CACNG7: variants seen among roughly 807,000 people sequenced by gnomAD.
CACNG7 encodes the protein calcium voltage-gated channel auxiliary subunit gamma 7, also known as voltage-dependent calcium channel gamma-7 subunit.
A neutral mutation model predicts 26.3 loss-of-function variants in CACNG7; 9 were observed. That is an observed-to-expected ratio of 0.34 (90% CI 0.21 to 0.60). CACNG7 has a LOEUF of 0.60. CACNG7 is among the 20% of genes least tolerant of loss of function. CACNG7 has a pLI of 0.81. For missense variants in CACNG7, 297 were observed against 380.4 expected (o/e 0.78, Z 1.82); for synonymous variants, 170 against 157.0 (o/e 1.08, Z -0.62).
intron 4 of CACNG7, among the ~76,000 whole-genome samples, chr19:53,934,472 C>T (rs1242304279): frequency 6.6e-6 from 1 of 152,112 alleles, no homozygotes; most frequent in African/African-American, 2.4e-5. Context: ...GTAGGTTTTT[C>T]TTTTTACAAT....
At chr19:53,919,666 C>T (rs2068924075) in intron 4 of CACNG7, among the ~76,000 whole-genome samples, 1 of 138,948 alleles carries the variant, frequency 7.2e-6, no homozygotes, top group Non-Finnish European at 1.5e-5. Context: ...GAGTTGTCCC[C>T]AGGCCTGGTA....
rs1568774400 is a variant in CACNG7 at position 53,921,512 on chromosome 19, TATTGGTGGAGTTGCCCCAGGTCTGGTC to T, written c.424+6028_424+6054del. ...ATTGGTGGAGTTGCCCCAGGTCTGGTATTGGTGGAGTTGCCCCAGGTCTGGTCATTGGTGGAGTTGCCCCAGGCTGGT... is the reference window on the plus strand; with the variant it reads ...ATTGGTGGAGTTGCCCCAGGTCTGGTATTGGTGGAGTTGCCCCAGGCTGGT... On this transcript the variant is annotated intron_variant, in intron 4 of 5. Transcript: ENST00000391767. Among the ~76,000 whole-genome samples the T allele has an allele frequency of 6.0e-5, 7 of 116,724 alleles. No individual in the cohort carries two copies. The South Asian group carries it at 9.1e-4, about 15-fold the overall frequency. The allele number at this position is 116,724 out of a possible 152,430, so 76.6% of individuals were successfully genotyped here. A position where few individuals can be genotyped will look rare whatever the true frequency, so the allele number is the denominator to read the frequency against.
chr19:53,923,866 G>C (rs2068992951), intron 4 of CACNG7, among the ~76,000 whole-genome samples: 1 of 137,470 alleles, frequency 7.3e-6, no homozygotes, highest in Admixed American at 7.0e-5. Flanking sequence ...GTCATTGGTG[G>C]AGTTGCCCCA....
At chr19:53,929,154 G>C (rs1029355122) in intron 4 of CACNG7, among the ~76,000 whole-genome samples, 13 of 150,574 alleles carry the variant, frequency 8.6e-5, no homozygotes, top group Non-Finnish European at 1.8e-4. Flanking sequence ...AATAAGGCCT[G>C]AGCTGGGGCA....
chr19:53,913,803 A>AG (rs2068876008), intron 2 of CACNG7, among the ~76,000 whole-genome samples: 1 of 144,986 alleles, frequency 6.9e-6, no homozygotes, highest in African/African-American at 2.8e-5. Context: ...AAAAAAAAAA[A>AG]AAAAAGAAAA....
rs557702350 is a variant in CACNG7 at position 53,941,670 on chromosome 19, G to T, written c.570+55G>T. The stretch of plus-strand genomic sequence containing the variant: ...TTCTGAATGGAGAGAGGTCTTGGGG[G>T]CCTGGTTCCTGAGTCCAGGAGGAAG... On this transcript the variant is annotated intron_variant, in intron 5 of 5. Transcript: ENST00000391767. 1.8e-5 allele frequency: 29 copies of T among 1,574,646 alleles called. No homozygotes were observed. The African/African-American group carries it at 3.3e-4, about 18-fold the overall frequency.
chr19:53,932,894 G>T (rs867193096), intron 4 of CACNG7, among the ~76,000 whole-genome samples: 4 of 137,416 alleles, frequency 2.9e-5, no homozygotes, highest in African/African-American at 8.3e-5. Flanking sequence ...TGCAACCTCC[G>T]CCTCCCAGGT....
At chr19:53,921,257 GC>G (rs2068947509) in intron 4 of CACNG7, among the ~76,000 whole-genome samples, 1 of 94,280 alleles carries the variant, frequency 1.1e-5, no homozygotes, top group Non-Finnish European at 2.2e-5. Flanking sequence ...TGGTGGAGTT[GC>G]CCCAGGTCTG....
chr19:53,925,104 G>GC (rs1165181127), intron 4 of CACNG7, among the ~76,000 whole-genome samples: 2 of 83,300 alleles, frequency 2.4e-5, no homozygotes, highest in African/African-American at 6.3e-5. Context: ...TGGTGGACTT[G>GC]CCTAGGGCTG....
chr19:53,920,361 G>A (rs377409240), intron 4 of CACNG7, among the ~76,000 whole-genome samples: 3 of 114,334 alleles, frequency 2.6e-5, no homozygotes, highest in Non-Finnish European at 5.1e-5. Context: ...CCCCAGGTCT[G>A]GTCATTGGTG....
chr19:53,931,847 C>T (rs1456811830), intron 4 of CACNG7, among the ~76,000 whole-genome samples: 4 of 148,340 alleles, frequency 2.7e-5, no homozygotes, highest in East Asian at 2.0e-4. Context: ...CTGCAAGCTC[C>T]GCCTCCCAGG....
rs955289475 is a variant in CACNG7, at chr19:53,940,867, C to T, written c.425-603C>T. On this transcript the variant is annotated intron_variant, in intron 4 of 5. Coordinates refer to ENST00000391767, the MANE Select transcript of CACNG7 (RefSeq NM_031896.5). The surrounding 1 kb of genome is among the most constrained non-coding windows in gnomAD (Gnocchi z 4.1). ...GTCAGGAGTTTGAGACCAGCCTGGC[C>T]AACATGGTGAAACCCCGTCTCTACT... is the stretch of plus-strand genomic sequence containing the variant. Among the ~76,000 whole-genome samples the T allele has an allele frequency of 1.3e-5, 2 of 151,556 alleles. No homozygotes were observed. Among genetic ancestry groups the T allele is most frequent in the Admixed American group, 1.3e-4 (2 of 15,158 alleles).
chr19:53,917,325 T>C (rs960897651), intron 4 of CACNG7, among the ~76,000 whole-genome samples: 23 of 152,232 alleles, frequency 1.5e-4, no homozygotes, highest in Non-Finnish European at 2.9e-4. Flanking sequence ...ATTCAGTTGA[T>C]AGTTTATGAA....
chr19:53,941,630 A>G lies in CACNG7; in HGVS notation c.570+15A>G, dbSNP rs2069138003. 1 of 1,608,606 alleles carries G rather than the reference A, an allele frequency of 6.2e-7. No homozygotes were observed. Among genetic ancestry groups the G allele is most frequent in the African/African-American group, 1.3e-5 (1 of 74,454 alleles). ...TACTCAAAGAGGTGACGTCCGTGGG[A>G]CCTAGACTCTAGAGTTCTGAATGGA... On this transcript the variant is annotated intron_variant, in intron 5 of 5. Transcript: ENST00000391767.
At chr19:53,927,811 T>C (rs112770640) in intron 4 of CACNG7, among the ~76,000 whole-genome samples, 22,803 of 148,884 alleles carry the variant, frequency 0.15, 2,180 homozygotes, top group South Asian at 0.31. Flanking sequence ...GCACTCCAGC[T>C]TGGGCAACAA....
chr19:53,911,414 C>T (rs1012187079), intron 1 of CACNG7, among the ~76,000 whole-genome samples: 1 of 152,094 alleles, frequency 6.6e-6, no homozygotes, highest in Non-Finnish European at 1.5e-5. Flanking sequence ...GATTCTGGTT[C>T]TATGTCTCTG....
At chr19:53,941,966 G>C (rs2069140073) in intron 5 of CACNG7, 70 bp from the exon 6 acceptor site, 1 of 1,487,042 alleles carries the variant, frequency 6.7e-7, no homozygotes, top group Non-Finnish European at 9.0e-7. Flanking sequence ...CCTGGAGTGA[G>C]AGGAGATGAG....
chr19:53,935,739 C>T (rs1170738020), intron 4 of CACNG7, among the ~76,000 whole-genome samples: 1 of 133,900 alleles, frequency 7.5e-6, no homozygotes, highest in Non-Finnish European at 1.5e-5. Context: ...CTCCTGGGTT[C>T]AAGCGATTCT....
intron 3 of CACNG7, 136 bp from the exon 4 acceptor site, chr19:53,915,229 G>A: frequency 1.5e-6 from 1 of 646,592 alleles, no homozygotes; most frequent in Admixed American, 2.5e-5. Flanking sequence ...GAGTCAGTGG[G>A]GAAGGGGAGG....
Sources: gnomAD v4.1 joint callset for allele counts (sites outside exome capture counted in the v4.1 genomes callset) on GRCh38, gnomAD v4.1.1 for gene constraint, Gnocchi (gnomAD v3.1) non-coding constraint, MANE v1.5 for transcripts, NCBI Gene and HGNC (gene_info 2026-07-23, HGNC 2026-07-21) for gene names.